Variants in USH2A observed in about 807,000 individuals in gnomAD.
The protein encoded by USH2A is Usher syndrome 2A (autosomal recessive, mild).
In USH2A, 443 loss-of-function variants were observed where a neutral mutation model predicts 538.9. The ratio of observed to expected loss-of-function variants is 0.82; its 90% CI spans 0.76 to 0.89. USH2A has a LOEUF of 0.89. Among genes scored for constraint, USH2A ranks in the 40% least tolerant of loss-of-function variants. The pLI, the probability that USH2A is intolerant of heterozygous loss-of-function variation, is 0.00. For synonymous variants in USH2A, 2,413 were observed against 2,273.5 expected (o/e 1.06, Z -1.75); for missense variants, 6,633 against 6,324.8 (o/e 1.05, Z -1.65).
intron 44 of USH2A, among the ~76,000 whole-genome samples, chr1:215,866,231 T>C (rs1664464051): frequency 1.3e-5 from 2 of 152,306 alleles, no homozygotes; most frequent in African/African-American, 2.4e-5. Flanking sequence ...TTTTTCCTGA[T>C]AGTCGTCAGG....
intron 21 of USH2A, chr1:216,174,847 A>G: frequency 9.7e-7 from 1 of 1,035,718 alleles, no homozygotes; most frequent in Non-Finnish European, 1.2e-6. Context: ...GCTTTCTTAC[A>G]ATGCTTTTTG....
Position 215,748,609 on chromosome 1 carries a change from T to C in USH2A, c.11390-5274A>G, listed in dbSNP as rs186410838. ...CTAGGACAGTTCTTGCAGAAAAGTT[T>C]GACAGACACACATTCATAAGAAACA... On this transcript the variant is annotated intron_variant, in intron 58 of 71. Transcript: ENST00000307340. Among the ~76,000 whole-genome samples the C allele has an allele frequency of 5.3e-5, 8 of 152,298 alleles. No individual in the cohort carries two copies. In the East Asian group the frequency reaches 1.5e-3, roughly 29 times the overall value.
intron 3 of USH2A, among the ~76,000 whole-genome samples, chr1:216,387,846 C>T (rs2039032389): frequency 6.6e-6 from 1 of 152,098 alleles, no homozygotes; most frequent in Non-Finnish European, 1.5e-5. Context: ...CCTCTCTCTG[C>T]CCTTCCCCCA....
chr1:216,403,616 A>G (rs1404269296), intron 3 of USH2A, among the ~76,000 whole-genome samples: 1 of 152,202 alleles, frequency 6.6e-6, no homozygotes, highest in Non-Finnish European at 1.5e-5. Flanking sequence ...TAACATTGCT[A>G]TATACCAACA....
rs34319905 is a variant in USH2A at position 216,325,132 on chromosome 1, G to C, written c.1143+173C>G. ...CCAGGAGCTGCAAATGGCAAGGAGGGATCCTCCTCTGGAATCTTTAAGGGA... is the reference window on the plus strand; with the variant it reads ...CCAGGAGCTGCAAATGGCAAGGAGGCATCCTCCTCTGGAATCTTTAAGGGA... On this transcript the variant is annotated intron_variant, in intron 6 of 71. Coordinates refer to ENST00000307340, the MANE Select transcript of USH2A (RefSeq NM_206933.4). Among the ~76,000 whole-genome samples, 14,798 of 152,174 alleles carry C rather than the reference G, an allele frequency of 0.097. 1,020 individuals carry two copies. Among genetic ancestry groups the C allele is most frequent in the Non-Finnish European group, 0.15 (9,921 of 67,970 alleles).
Position 216,315,967 on chromosome 1 carries a change from G to C in USH2A, c.1644+5916C>G, listed in dbSNP as rs373197693. Among the ~76,000 whole-genome samples, 61 of 152,180 alleles carry C rather than the reference G, an allele frequency of 4.0e-4. No homozygotes were observed. The East Asian group carries it at 7.2e-3, about 18-fold the overall frequency. On this transcript the variant is annotated intron_variant, in intron 9 of 71. Transcript: ENST00000307340. ...CTAAATCAGTTCTAAAGTGAGCCTA[G>C]TAAATTAAGCATTTACTGCTTTTTT...
intron 47 of USH2A, among the ~76,000 whole-genome samples, chr1:215,831,076 A>T (rs1269191356): frequency 6.6e-6 from 1 of 152,188 alleles, no homozygotes; most frequent in Non-Finnish European, 1.5e-5. Flanking sequence ...TATTAATATT[A>T]GACAAAATAA....
chr1:215,830,411 T>C (rs12097455), intron 47 of USH2A, among the ~76,000 whole-genome samples: 2,179 of 152,208 alleles, frequency 0.014, 59 homozygotes, highest in African/African-American at 0.05. Context: ...AATCAGGAAA[T>C]GGGGCCTCTA....
chr1:215,698,677 T>C (rs1217574814), intron 61 of USH2A, among the ~76,000 whole-genome samples: 1 of 152,230 alleles, frequency 6.6e-6, no homozygotes, highest in African/African-American at 2.4e-5. Flanking sequence ...GTTATTTGTT[T>C]TTTTCTTGTA....
intron 4 of USH2A, among the ~76,000 whole-genome samples, chr1:216,353,483 G>A (rs1158782621): frequency 1.3e-5 from 2 of 152,038 alleles, no homozygotes; most frequent in Non-Finnish European, 2.9e-5. Flanking sequence ...AGATATAAAA[G>A]TTAAGAGTCA....
chr1:215,630,480 GTGTATATATATA>G (rs1471257074), intron 70 of USH2A, among the ~76,000 whole-genome samples: 3,397 of 105,870 alleles, frequency 0.032, 152 homozygotes, highest in African/African-American at 0.068. Flanking sequence ...GTATGTGTGT[GTGTATATATATA>G]TATATATATA....
chr1:215,937,297 G>A (rs971481644), intron 37 of USH2A, among the ~76,000 whole-genome samples: 1 of 152,054 alleles, frequency 6.6e-6, no homozygotes, highest in African/African-American at 2.4e-5. Flanking sequence ...TTATTAGCAA[G>A]ACATTATGAA....
At chr1:216,188,856 C>T (rs1033842874) in intron 20 of USH2A, among the ~76,000 whole-genome samples, 2 of 151,950 alleles carry the variant, frequency 1.3e-5, no homozygotes, top group African/African-American at 4.8e-5. Context: ...ATGTCCCCTA[C>T]TATAACACAC....
chr1:216,174,031 T>G (rs1572019810), intron 21 of USH2A: 2 of 985,246 alleles, frequency 2.0e-6, no homozygotes, highest in Non-Finnish European at 2.4e-6. Flanking sequence ...ATGATTTTGA[T>G]GTACTGAGAG....
chr1:216,108,626 G>A (rs540358324), intron 21 of USH2A, among the ~76,000 whole-genome samples: 4 of 151,672 alleles, frequency 2.6e-5, no homozygotes, highest in Admixed American at 2.0e-4. Context: ...ACATGTTATC[G>A]ATCTGTTTAT....
intron 58 of USH2A, among the ~76,000 whole-genome samples, chr1:215,754,434 G>T (rs1315486062): frequency 1.3e-5 from 2 of 151,844 alleles, no homozygotes; most frequent in Admixed American, 1.3e-4. Flanking sequence ...TAATTTTTCA[G>T]TTGCCAAGTA....
intron 3 of USH2A, among the ~76,000 whole-genome samples, chr1:216,415,769 G>C (rs908939680): frequency 6.6e-6 from 1 of 151,856 alleles, no homozygotes; most frequent in South Asian, 2.1e-4. Context: ...CGAGCTATCC[G>C]TTCACTTCTA....
In USH2A at chr1:216,050,607, T is replaced by TCTTTCTTTC. The variant is rs1553294758; in HGVS notation, c.6050-1961_6050-1960insGAAAGAAAG. On this transcript the variant is annotated intron_variant, in intron 30 of 71. Coordinates refer to ENST00000307340, the MANE Select transcript of USH2A (RefSeq NM_206933.4). Reference sequence around the variant, plus strand: ...TTCTTTCTTTCTTTCTTTCTTTCTTTTTTTTTTTTTTTTTTGAGACAGAGT... The same window carrying TCTTTCTTTC: ...TTCTTTCTTTCTTTCTTTCTTTCTTTCTTTCTTTCTTTTTTTTTTTTTTTGAGACAGAGT... Among the ~76,000 whole-genome samples, 201 of 59,148 alleles carry TCTTTCTTTC rather than the reference T, an allele frequency of 3.4e-3. 3 individuals are homozygous for TCTTTCTTTC. The highest frequency in any genetic ancestry group is 9.4e-3 in the African/African-American group (192 of 20,378). 38.8% of individuals were successfully genotyped at this position (59,148 alleles called of 152,430 possible). A position where few individuals can be genotyped will look rare whatever the true frequency, so the allele number is the denominator to read the frequency against.
intron 21 of USH2A, among the ~76,000 whole-genome samples, chr1:216,135,944 GTA>G (rs144362360): frequency 2.5e-4 from 38 of 150,062 alleles, no homozygotes; most frequent in Middle Eastern, 3.5e-3. Flanking sequence ...TTCATTAAAA[GTA>G]TATATATATA....
Sources: gnomAD v4.1 joint callset for allele counts (sites outside exome capture counted in the v4.1 genomes callset) on GRCh38, gnomAD v4.1.1 for gene constraint, MANE v1.5 for transcripts, NCBI Gene and HGNC (gene_info 2026-07-23, HGNC 2026-07-21) for gene names.